CDH13: variants seen among roughly 807,000 people sequenced by gnomAD.
The protein encoded by CDH13 is cadherin-13.
Under a neutral mutation model 63.8 loss-of-function variants are expected in CDH13, and 24 were observed. The ratio of observed to expected loss-of-function variants is 0.38; its 90% CI spans 0.27 to 0.53. CDH13 has a LOEUF of 0.53. CDH13 is among the 20% of genes least tolerant of loss of function. CDH13 has a pLI of 0.85. For missense variants in CDH13, 1,049 were observed against 903.1 expected (o/e 1.16, Z -2.07); for synonymous variants, 503 against 355.3 (o/e 1.42, Z -4.67).
At chr16:83,718,627 A>T (rs986679497) in intron 10 of CDH13, among the ~76,000 whole-genome samples, 5 of 152,072 alleles carry the variant, frequency 3.3e-5, no homozygotes, top group African/African-American at 4.8e-5. Context: ...TGTGTGATAT[A>T]GTATGTTAAC....
At chr16:83,254,159 A>G (rs1184420713) in intron 5 of CDH13, among the ~76,000 whole-genome samples, 2 of 152,194 alleles carry the variant, frequency 1.3e-5, no homozygotes, top group African/African-American at 4.8e-5. Context: ...GCTTAAATCC[A>G]GGCATCAGGT....
intron 10 of CDH13, among the ~76,000 whole-genome samples, chr16:83,745,469 G>T (rs186957499): frequency 8.5e-5 from 13 of 152,302 alleles, no homozygotes; most frequent in Non-Finnish European, 1.8e-4. Context: ...CAGATGATTG[G>T]TTCTGAGACT....
chr16:83,265,727 CTTTTTTTTTTTT>C (rs71272416), intron 5 of CDH13, among the ~76,000 whole-genome samples: 2 of 42,570 alleles, frequency 4.7e-5, no homozygotes, highest in Admixed American at 5.4e-4. Flanking sequence ...TAAATTTCTG[CTTTTTTTTTTTT>C]TTTTTTTTTT....
intron 5 of CDH13, among the ~76,000 whole-genome samples, chr16:83,281,747 T>TA (rs58599942): frequency 0.023 from 3,060 of 134,226 alleles, 83 homozygotes; most frequent in African/African-American, 0.063. Flanking sequence ...CATCTGTGCT[T>TA]AAAAAAAAAA....
chr16:83,361,959 A>G (rs1238955168), intron 6 of CDH13, among the ~76,000 whole-genome samples: 1 of 152,162 alleles, frequency 6.6e-6, no homozygotes, highest in Admixed American at 6.6e-5. Flanking sequence ...ATTCTATCAA[A>G]AATGATCTTG....
chr16:83,344,294 T>C (rs906560298), intron 5 of CDH13, among the ~76,000 whole-genome samples: 2 of 152,218 alleles, frequency 1.3e-5, no homozygotes, highest in Non-Finnish European at 2.9e-5. Context: ...AAGTGATTCA[T>C]GGTGTTGTGA....
Position 83,262,252 on chromosome 16 carries a change from C to T in CDH13, c.636+44755C>T, listed in dbSNP as rs544516260. 2.6e-5 allele frequency among the ~76,000 whole-genome samples: 4 copies of T among 152,220 alleles called. No homozygotes were observed. The East Asian group carries it at 7.7e-4, about 29-fold the overall frequency. ...CCCTGTAAGTATAATTTCCCCAGAC[C>T]ACATGGGGTAATGGGCCTCCATGTC... On this transcript the variant is annotated intron_variant, in intron 5 of 13. Coordinates refer to ENST00000567109, the MANE Select transcript of CDH13 (RefSeq NM_001257.5).
At chr16:83,262,973 C>G (rs1212714405) in intron 5 of CDH13, among the ~76,000 whole-genome samples, 1 of 152,182 alleles carries the variant, frequency 6.6e-6, no homozygotes, top group African/African-American at 2.4e-5. Flanking sequence ...CTGAGAATGA[C>G]TAAATGACTG....
intron 7 of CDH13, among the ~76,000 whole-genome samples, chr16:83,553,998 A>T (rs1230869846): frequency 6.6e-6 from 1 of 152,218 alleles, no homozygotes; most frequent in Non-Finnish European, 1.5e-5. Context: ...TCTTGTACAG[A>T]TATAATTGCC....
At chr16:83,614,361 C>T (rs565046148) in intron 8 of CDH13, among the ~76,000 whole-genome samples, 3 of 152,194 alleles carry the variant, frequency 2.0e-5, no homozygotes, top group Non-Finnish European at 4.4e-5. Flanking sequence ...TCCAGGGCTC[C>T]TCCACTTTGG....
At chr16:83,734,594 AG>A (rs1292480873) in intron 10 of CDH13, among the ~76,000 whole-genome samples, 119 of 140,630 alleles carry the variant, frequency 8.5e-4, no homozygotes, top group African/African-American at 2.9e-3. Context: ...GGGTGGGGGA[AG>A]GGGGGAGGGA....
chr16:83,457,963 A>T (rs762440216), intron 6 of CDH13, among the ~76,000 whole-genome samples: 37 of 152,208 alleles, frequency 2.4e-4, no homozygotes, highest in Non-Finnish European at 3.8e-4. Flanking sequence ...ATGCTGGTAA[A>T]GCCTGAGCAG....
chr16:83,344,888 T>C lies in CDH13; in HGVS notation c.663T>C (p.Asn221=), dbSNP rs1460228402. Residue 221 remains asparagine, a synonymous_variant, in exon 6 of 14, where the codon AAT becomes AAC. Coordinates refer to ENST00000567109, the MANE Select transcript of CDH13 (RefSeq NM_001257.5). ...TATTTGTGGAGACCACTGATGTCAA[T>C]GGCAAAACTCTCGAGGGGCCGGTGC... The part of the protein sequence containing the change: ...YQLFVETTDV[N]GKTLEGPVPL... 8 of 1,613,950 alleles carry C rather than the reference T, an allele frequency of 5.0e-6. No individual in the cohort carries two copies. Among genetic ancestry groups the C allele is most frequent in the Non-Finnish European group, 6.8e-6 (8 of 1,179,816 alleles).
chr16:83,715,689 G>A (rs1246891333), intron 10 of CDH13, among the ~76,000 whole-genome samples: 1 of 152,188 alleles, frequency 6.6e-6, no homozygotes, highest in East Asian at 1.9e-4. Flanking sequence ...AGCCCTGGTG[G>A]ACAGTCTGAT....
chr16:83,750,852 G>A (rs1388626209), intron 11 of CDH13, among the ~76,000 whole-genome samples: 1 of 152,108 alleles, frequency 6.6e-6, no homozygotes, highest in African/African-American at 2.4e-5. Flanking sequence ...TGTCGTGTAA[G>A]CCACTCCTTT....
intron 6 of CDH13, among the ~76,000 whole-genome samples, chr16:83,424,382 G>T (rs965459008): frequency 6.6e-6 from 1 of 152,228 alleles, no homozygotes; most frequent in Admixed American, 6.5e-5. Context: ...ATCTGCAGTA[G>T]CCTAGAGTTT....
At chr16:83,624,941 C>A (rs963447455) in intron 8 of CDH13, among the ~76,000 whole-genome samples, 1 of 152,172 alleles carries the variant, frequency 6.6e-6, no homozygotes, top group Admixed American at 6.5e-5. Context: ...CAGTCTGCAC[C>A]AGCTTTGGGA....
chr16:82,749,097 T>A (rs2034304352), intron 1 of CDH13, among the ~76,000 whole-genome samples: 1 of 152,008 alleles, frequency 6.6e-6, no homozygotes, highest in Non-Finnish European at 1.5e-5. Context: ...GTCCAATTTT[T>A]TTTTCAAATG....
intron 6 of CDH13, among the ~76,000 whole-genome samples, chr16:83,433,569 G>A (rs1353786634): frequency 6.6e-6 from 1 of 152,116 alleles, no homozygotes; most frequent in African/African-American, 2.4e-5. Flanking sequence ...AAGTTTTCAT[G>A]TTCATTTTTG....
Sources: gnomAD v4.1 joint callset for allele counts (sites outside exome capture counted in the v4.1 genomes callset) on GRCh38, gnomAD v4.1.1 for gene constraint, MANE v1.5 for transcripts, NCBI Gene and HGNC (gene_info 2026-07-23, HGNC 2026-07-21) for gene names.